STXBP6: variants seen among roughly 807,000 people sequenced by gnomAD.
STXBP6 encodes the protein syntaxin-binding protein 6.
A neutral mutation model predicts 26.9 loss-of-function variants in STXBP6; 21 were observed. The observed-to-expected ratio is 0.78, with a 90% CI of 0.55 to 1.12. The LOEUF (loss-of-function observed/expected upper bound fraction) is 1.12. Ranked by LOEUF, STXBP6 falls within the 50% of genes most tolerant of loss-of-function variation. STXBP6 has a pLI of 0.00. For missense variants in STXBP6, 232 were observed against 257.9 expected (o/e 0.90, Z 0.69); for synonymous variants, 97 against 92.6 (o/e 1.05, Z -0.27).
intron 2 of STXBP6, among the ~76,000 whole-genome samples, chr14:24,861,311 A>G (rs2139228009): frequency 6.6e-6 from 1 of 152,274 alleles, no homozygotes; most frequent in African/African-American, 2.4e-5. Context: ...GGAGGTAAAA[A>G]AAAGAGGCAG....
At chr14:25,005,902 A>T (rs1466306805) in intron 1 of STXBP6, among the ~76,000 whole-genome samples, 1 of 152,182 alleles carries the variant, frequency 6.6e-6, no homozygotes, top group Admixed American at 6.5e-5. Flanking sequence ...GAGACAGCCC[A>T]TAAGAGCTGG....
At chr14:25,015,359 C>T (rs571151036) in intron 1 of STXBP6, among the ~76,000 whole-genome samples, 4 of 152,052 alleles carry the variant, frequency 2.6e-5, no homozygotes, top group African/African-American at 9.7e-5. Context: ...CTCTATACCC[C>T]CTGTTCCAGA....
chr14:24,890,408 G>A (rs768936680), intron 2 of STXBP6, among the ~76,000 whole-genome samples: 2 of 152,088 alleles, frequency 1.3e-5, no homozygotes, highest in African/African-American at 4.8e-5. Flanking sequence ...ACAAAGTACC[G>A]AACAACAACA....
intron 1 of STXBP6, among the ~76,000 whole-genome samples, chr14:24,999,520 A>G (rs1376450190): frequency 1.3e-5 from 2 of 152,226 alleles, no homozygotes; most frequent in Admixed American, 1.3e-4. Context: ...AAGCTCACAG[A>G]TGGGCTATGA....
chr14:24,940,772 T>C (rs1020927433), intron 2 of STXBP6, among the ~76,000 whole-genome samples: 2 of 152,102 alleles, frequency 1.3e-5, no homozygotes, highest in Admixed American at 6.6e-5. Flanking sequence ...TCCCAGCACT[T>C]TGGGAGCCCG....
chr14:24,994,206 A>G (rs1364954222), intron 1 of STXBP6, among the ~76,000 whole-genome samples: 1 of 152,172 alleles, frequency 6.6e-6, no homozygotes, highest in African/African-American at 2.4e-5. Flanking sequence ...GGATTGTGGG[A>G]TTGATTTCTT....
rs1303504771 is a variant in STXBP6 at position 25,049,962 on chromosome 14, C to G, written c.-117G>C. 36 of 828,690 alleles carry G rather than the reference C, an allele frequency of 4.3e-5. No individual in the cohort carries two copies. Among genetic ancestry groups the G allele is most frequent in the Non-Finnish European group, 5.1e-5 (35 of 689,282 alleles). The allele number at this position is 828,690 out of a possible 1,614,324, so 51.3% of individuals were successfully genotyped here. A position where few individuals can be genotyped will look rare whatever the true frequency, so the allele number is the denominator to read the frequency against. On this transcript the variant is annotated 5_prime_UTR_variant, in exon 1 of 6. Transcript: ENST00000323944. The surrounding 1 kb of genome is among the most constrained non-coding windows in gnomAD (Gnocchi z 5.6). ...GGCTCCTCCCCGGGGGGCTGCCCCG[C>G]GCGGGGCTCCGGGCTCCGGACAAGG... is the stretch of plus-strand genomic sequence containing the variant.
At chr14:24,928,140 C>T (rs2072246552) in intron 2 of STXBP6, among the ~76,000 whole-genome samples, 1 of 152,158 alleles carries the variant, frequency 6.6e-6, no homozygotes, top group South Asian at 2.1e-4. Flanking sequence ...CGAACTTCCT[C>T]TTCTCACTTT....
intron 4 of STXBP6, among the ~76,000 whole-genome samples, chr14:24,836,362 C>A (rs983617905): frequency 6.6e-6 from 1 of 151,964 alleles, no homozygotes; most frequent in South Asian, 2.1e-4. Context: ...TTTGGGAGGT[C>A]GAGGCGAGCG....
chr14:24,837,097 A>T (rs150304942), intron 4 of STXBP6, among the ~76,000 whole-genome samples: 7 of 152,294 alleles, frequency 4.6e-5, no homozygotes, highest in Non-Finnish European at 1.0e-4. Flanking sequence ...TCCTTTTTTA[A>T]GTAATTGAAT....
chr14:24,926,685 G>C (rs2072182881), intron 2 of STXBP6, among the ~76,000 whole-genome samples: 1 of 152,244 alleles, frequency 6.6e-6, no homozygotes, highest in African/African-American at 2.4e-5. Context: ...AGATTGGCGA[G>C]TGTAGCATTA....
chr14:24,986,133 T>A (rs1311629856), intron 1 of STXBP6, among the ~76,000 whole-genome samples: 1 of 152,128 alleles, frequency 6.6e-6, no homozygotes, highest in Non-Finnish European at 1.5e-5. Context: ...CTTCTCAGAT[T>A]AAATTTTTTT....
At chr14:24,878,652 C>T (rs1281982315) in intron 2 of STXBP6, 24 of 196,652 alleles carry the variant, frequency 1.2e-4, no homozygotes, top group East Asian at 6.0e-4. Flanking sequence ...TTTTATTTAC[C>T]TTTTTCAGTC....
At chr14:24,852,565 C>G (rs2069191282) in intron 4 of STXBP6, among the ~76,000 whole-genome samples, 1 of 152,024 alleles carries the variant, frequency 6.6e-6, no homozygotes, top group South Asian at 2.1e-4. Context: ...TCTATTTCCT[C>G]TATTGAAGTT....
At chr14:25,024,186 G>A (rs2075307775) in intron 1 of STXBP6, among the ~76,000 whole-genome samples, 1 of 152,048 alleles carries the variant, frequency 6.6e-6, no homozygotes. Context: ...GCACACGCCT[G>A]TAGTCCCAGC....
At position 24,905,192 on chromosome 14, in the gene STXBP6, C is replaced by T. The variant is rs2071346211; in HGVS notation, c.155-48035G>A. Among the ~76,000 whole-genome samples the T allele has an allele frequency of 1.3e-5, 2 of 152,122 alleles. 1 individual carries two copies. The highest frequency in any genetic ancestry group is 4.1e-4 in the South Asian group (2 of 4,824). Reference sequence around the variant, plus strand: ...TAGGATTCATTCAGACTTATCCATGCTTTTGGGCTGTTTATTCCAAAGTCC... The same window carrying T: ...TAGGATTCATTCAGACTTATCCATGTTTTTGGGCTGTTTATTCCAAAGTCC... On this transcript the variant is annotated intron_variant, in intron 2 of 5. Transcript: ENST00000323944.
intron 4 of STXBP6, among the ~76,000 whole-genome samples, chr14:24,838,057 G>C (rs1019944513): frequency 2.0e-5 from 3 of 152,184 alleles, no homozygotes; most frequent in Non-Finnish European, 2.9e-5. Flanking sequence ...TTTTGAGAAA[G>C]AGTTTCACTC....
At chr14:24,886,353 A>G (rs1367468831) in intron 2 of STXBP6, among the ~76,000 whole-genome samples, 1 of 152,130 alleles carries the variant, frequency 6.6e-6, no homozygotes, top group African/African-American at 2.4e-5. Context: ...GATACTTTAT[A>G]CCTCCATGTT....
intron 2 of STXBP6, among the ~76,000 whole-genome samples, chr14:24,931,142 A>ACAAAAACAAAAAAAC (rs2072386737): frequency 8.8e-6 from 1 of 113,722 alleles, no homozygotes; most frequent in African/African-American, 3.6e-5. Flanking sequence ...AAAAAAAAAA[A>ACAAAAACAAAAAAAC]CCCAAACACC....
Sources: allele counts gnomAD v4.1 joint callset (sites outside exome capture counted in the v4.1 genomes callset), GRCh38; gene constraint gnomAD v4.1.1; non-coding constraint Gnocchi (gnomAD v3.1); transcripts MANE v1.5; gene names NCBI Gene and HGNC (gene_info 2026-07-23, HGNC 2026-07-21).